OTUD7A: variants seen among roughly 807,000 people sequenced by gnomAD.
OTUD7A encodes OTU domain-containing protein 7A.
A neutral mutation model predicts 65.7 loss-of-function variants in OTUD7A; 12 were observed. The ratio of observed to expected loss-of-function variants is 0.18; its 90% CI spans 0.12 to 0.30. The LOEUF is 0.30. Ranked by LOEUF, OTUD7A falls within the 10% of genes least tolerant of loss-of-function variation. The pLI, the probability that OTUD7A is intolerant of heterozygous loss-of-function variation, is 1.00. For missense variants in OTUD7A, 1,148 were observed against 1,304.8 expected, an observed-to-expected ratio of 0.88 and a Z score of 1.85; for synonymous variants, 641 against 586.3, an observed-to-expected ratio of 1.09 and a Z score of -1.35.
At chr15:31,792,249 G>T (rs185882435) in intron 1 of OTUD7A, among the ~76,000 whole-genome samples, 93 of 152,240 alleles carry the variant, frequency 6.1e-4, no homozygotes, top group Non-Finnish European at 1.1e-3. Flanking sequence ...TGTGTCTCCT[G>T]ACTGACACCC....
intron 8 of OTUD7A, among the ~76,000 whole-genome samples, chr15:31,519,444 T>A (rs2041909168): frequency 6.6e-6 from 1 of 152,218 alleles, no homozygotes; most frequent in African/African-American, 2.4e-5. Flanking sequence ...TCAATACAAT[T>A]CAGCATCACT....
chr15:31,821,997 T>A (rs1012644664), intron 1 of OTUD7A, among the ~76,000 whole-genome samples: 6 of 152,256 alleles, frequency 3.9e-5, no homozygotes, highest in Non-Finnish European at 2.9e-5. Context: ...CTTTATATAT[T>A]CTGGATATGA....
chr15:31,836,851 AG>A (rs1006651950), intron 1 of OTUD7A, among the ~76,000 whole-genome samples: 34 of 152,352 alleles, frequency 2.2e-4, no homozygotes, highest in African/African-American at 7.9e-4. Context: ...AAACTGATCA[AG>A]GCCATCTATA....
chr15:31,656,429 C>T (rs1006890059), intron 2 of OTUD7A, among the ~76,000 whole-genome samples: 1 of 152,172 alleles, frequency 6.6e-6, no homozygotes, highest in African/African-American at 2.4e-5. Flanking sequence ...ATTTGCATAG[C>T]GTCTGTGGCT....
chr15:31,811,443 C>CTTTG (rs1429641860), intron 1 of OTUD7A, among the ~76,000 whole-genome samples: 5 of 151,096 alleles, frequency 3.3e-5, no homozygotes, highest in Admixed American at 2.0e-4. Context: ...TGAGTGTGTG[C>CTTTG]TTTGTATGTA....
chr15:31,846,767 CAGATAA>C (rs1251322431), intron 1 of OTUD7A, among the ~76,000 whole-genome samples: 1 of 152,188 alleles, frequency 6.6e-6, no homozygotes, highest in Non-Finnish European at 1.5e-5. Context: ...AAAACCAAAC[CAGATAA>C]AACATTTTTT....
At chr15:31,834,321 C>T (rs1897004002) in intron 1 of OTUD7A, among the ~76,000 whole-genome samples, 7 of 152,222 alleles carry the variant, frequency 4.6e-5, no homozygotes, top group Admixed American at 3.9e-4. Context: ...ACCAGTGTTG[C>T]TGTAAAGAGA....
intron 3 of OTUD7A, among the ~76,000 whole-genome samples, chr15:31,628,746 G>C (rs1006719119): frequency 4.6e-5 from 7 of 152,074 alleles, no homozygotes; most frequent in African/African-American, 1.7e-4. Context: ...TCTTCCATTT[G>C]TTTGTATCCT....
At chr15:31,643,091 A>G (rs915235420) in intron 3 of OTUD7A, among the ~76,000 whole-genome samples, 10 of 151,874 alleles carry the variant, frequency 6.6e-5, no homozygotes, top group African/African-American at 2.4e-4. Context: ...AAGGATTCCA[A>G]TTACACTTAT....
At chr15:31,599,462 T>A (rs1300797184) in intron 3 of OTUD7A, among the ~76,000 whole-genome samples, 1 of 151,660 alleles carries the variant, frequency 6.6e-6, no homozygotes, top group African/African-American at 2.4e-5. Context: ...AATAGCACAT[T>A]CACTCAGAGA....
intron 5 of OTUD7A, among the ~76,000 whole-genome samples, chr15:31,534,088 C>CATT (rs1887718161): frequency 6.6e-6 from 1 of 152,112 alleles, no homozygotes; most frequent in Non-Finnish European, 1.5e-5. Context: ...AAATAGCCAA[C>CATT]ATTACCCTGA....
At chr15:31,619,159 G>A (rs1361244492) in intron 3 of OTUD7A, among the ~76,000 whole-genome samples, 1 of 152,202 alleles carries the variant, frequency 6.6e-6, no homozygotes, top group Non-Finnish European at 1.5e-5. Context: ...CCAGTACCAT[G>A]CTGTTTTGGT....
chr15:31,588,040 G>A (rs1889601972), intron 3 of OTUD7A, among the ~76,000 whole-genome samples: 1 of 151,982 alleles, frequency 6.6e-6, no homozygotes, highest in African/African-American at 2.4e-5. Flanking sequence ...CTACAGAAAT[G>A]CCCGTACATC....
At chr15:31,817,646 T>C (rs746508269) in intron 1 of OTUD7A, among the ~76,000 whole-genome samples, 9 of 152,174 alleles carry the variant, frequency 5.9e-5, no homozygotes, top group Non-Finnish European at 1.2e-4. Context: ...CTAAGCTTCC[T>C]GGGTTTTTGG....
At chr15:31,726,346 C>T (rs1376443453) in intron 1 of OTUD7A, among the ~76,000 whole-genome samples, 1 of 40,882 alleles carries the variant, frequency 2.4e-5, no homozygotes, top group African/African-American at 6.1e-5. Flanking sequence ...CACACACACA[C>T]GCACACACAC....
chr15:31,519,118 CTG>C (rs56265620), intron 8 of OTUD7A, among the ~76,000 whole-genome samples: 19,334 of 150,926 alleles, frequency 0.13, 1,959 homozygotes, highest in African/African-American at 0.29. Context: ...TAGCACTGTG[CTG>C]TGTGTGTGTG....
At chr15:31,497,625 C>T (rs1216666890) in intron 10 of OTUD7A, among the ~76,000 whole-genome samples, 1 of 152,192 alleles carries the variant, frequency 6.6e-6, no homozygotes, top group Non-Finnish European at 1.5e-5. Flanking sequence ...CACCCCCTCC[C>T]TACCCTCTTC....
intron 1 of OTUD7A, among the ~76,000 whole-genome samples, chr15:31,803,828 G>C (rs1270698628): frequency 6.6e-6 from 1 of 152,224 alleles, no homozygotes; most frequent in Non-Finnish European, 1.5e-5. Flanking sequence ...TGAAAAGCCA[G>C]TGGAGGCCCC....
chr15:31,725,238 G>C (rs1051273136), intron 1 of OTUD7A, among the ~76,000 whole-genome samples: 1 of 152,186 alleles, frequency 6.6e-6, no homozygotes, highest in African/African-American at 2.4e-5. Context: ...GAAACTGAAC[G>C]ACCAAGGGTG....
Sources: allele counts gnomAD v4.1 joint callset (sites outside exome capture counted in the v4.1 genomes callset), GRCh38; gene constraint gnomAD v4.1.1; transcripts MANE v1.5; gene names NCBI Gene and HGNC (gene_info 2026-07-23, HGNC 2026-07-21).